Variants in AIG1 observed in about 807,000 individuals in gnomAD.
The protein encoded by AIG1 is androgen induced 1.
Under a neutral mutation model 31.4 loss-of-function variants are expected in AIG1, and 23 were observed. The observed-to-expected ratio is 0.73, with a 90% CI of 0.53 to 1.04. The LOEUF is 1.04. Among genes scored for constraint, AIG1 ranks in the 50% least tolerant of loss-of-function variants. The pLI, the probability that AIG1 is intolerant of heterozygous loss-of-function variation, is 0.00. For synonymous variants in AIG1, 100 were observed against 110.5 expected, an observed-to-expected ratio of 0.90 and a Z score of 0.60; for missense variants, 274 against 295.0, an observed-to-expected ratio of 0.93 and a Z score of 0.52.
At position 143,242,927 on chromosome 6, in the gene AIG1, C is replaced by T. The variant is rs752931577; in HGVS notation, c.400-41183C>T. Among the ~76,000 whole-genome samples the T allele has an allele frequency of 4.7e-4, 71 of 152,102 alleles. 1 individual carries two copies. Among genetic ancestry groups the T allele is most frequent in the Non-Finnish European group, 2.4e-4 (16 of 68,016 alleles). On this transcript the variant is annotated intron_variant, in intron 3 of 5. Transcript: ENST00000357847. ...TATTTGTCTCTCTTATCCCAGGTTGCGTGTGGTTGTAGAAGGTGAAGTGCT... is the reference window on the plus strand; with the variant it reads ...TATTTGTCTCTCTTATCCCAGGTTGTGTGTGGTTGTAGAAGGTGAAGTGCT...
chr6:143,209,219 C>T (rs1197145924), intron 3 of AIG1, among the ~76,000 whole-genome samples: 4 of 152,160 alleles, frequency 2.6e-5, no homozygotes, highest in Admixed American at 1.3e-4. Context: ...CTGAATTTAC[C>T]AAACATCTAT....
chr6:143,284,053 CAACT>C lies in AIG1; in HGVS notation c.400-55_400-52del. The C allele has an allele frequency of 7.4e-7, 1 of 1,347,150 alleles. No individual in the cohort carries two copies. Among genetic ancestry groups the C allele is most frequent in the East Asian group, 2.3e-5 (1 of 43,006 alleles). The allele number at this position is 1,347,150 out of a possible 1,614,324, so 83.4% of individuals were successfully genotyped here. On this transcript the variant is annotated intron_variant, in intron 3 of 5. Transcript: ENST00000357847. This position sits in a 1 kb window ranked among gnomAD's most constrained non-coding sequence, Gnocchi z 4.4. Reference sequence around the variant, plus strand: ...GTGCATTCTCCTACTGGTGAAAAAACAACTATAGAGAGACAATGATAGCAATCTG... The same window carrying C: ...GTGCATTCTCCTACTGGTGAAAAAACATAGAGAGACAATGATAGCAATCTG...
chr6:143,232,714 T>C (rs1346067758), intron 3 of AIG1, among the ~76,000 whole-genome samples: 1 of 152,210 alleles, frequency 6.6e-6, no homozygotes. Flanking sequence ...TATGGCAGAA[T>C]ACAAGCTTCC....
rs1795362089 is a variant in AIG1 at position 143,256,157 on chromosome 6, T to C, written c.400-27953T>C. 6.6e-6 allele frequency among the ~76,000 whole-genome samples: 1 copy of C among 152,122 alleles called. No individual in the cohort carries two copies. Among genetic ancestry groups the C allele is most frequent in the Admixed American group, 6.5e-5 (1 of 15,276 alleles). Reference sequence around the variant, plus strand: ...ACTGAGATAAATTTTAGGGCAAAAATAAATTAGAATAAACAGAAGTAAACT... The same window carrying C: ...ACTGAGATAAATTTTAGGGCAAAAACAAATTAGAATAAACAGAAGTAAACT... On this transcript the variant is annotated intron_variant, in intron 3 of 5. Coordinates refer to ENST00000357847, the MANE Select transcript of AIG1 (RefSeq NM_016108.4). The surrounding 1 kb of genome is among the most constrained non-coding windows in gnomAD (Gnocchi z 4.6).
At chr6:143,134,131 C>T (rs1052481120) in intron 1 of AIG1, among the ~76,000 whole-genome samples, 3 of 151,916 alleles carry the variant, frequency 2.0e-5, no homozygotes, top group African/African-American at 7.2e-5. Flanking sequence ...TATTTTACAC[C>T]AGTGAAATAT....
At chr6:143,237,061 G>A (rs1280793897) in intron 3 of AIG1, among the ~76,000 whole-genome samples, 1 of 152,122 alleles carries the variant, frequency 6.6e-6, no homozygotes, top group South Asian at 2.1e-4. Context: ...GGTAAGCAAG[G>A]CATCTAAATC....
intron 2 of AIG1, among the ~76,000 whole-genome samples, chr6:143,151,795 A>G (rs1029253427): frequency 5.3e-5 from 8 of 152,232 alleles, no homozygotes; most frequent in Admixed American, 4.6e-4. Flanking sequence ...AGAGGCAATA[A>G]CTGAAGAAGC....
chr6:143,103,767 A>G (rs1780553129), intron 1 of AIG1, among the ~76,000 whole-genome samples: 1 of 152,062 alleles, frequency 6.6e-6, no homozygotes, highest in Non-Finnish European at 1.5e-5. Context: ...TCGGCCTCCC[A>G]AAGTGCTGGG....
intron 4 of AIG1, among the ~76,000 whole-genome samples, chr6:143,286,247 G>A (rs980148184): frequency 2.0e-5 from 3 of 152,014 alleles, no homozygotes; most frequent in Non-Finnish European, 2.9e-5. Flanking sequence ...AGACACATGG[G>A]AAATACCACA....
chr6:143,202,166 A>G (rs919087468), intron 3 of AIG1, among the ~76,000 whole-genome samples: 58 of 152,200 alleles, frequency 3.8e-4, no homozygotes, highest in Non-Finnish European at 7.1e-4. Context: ...CTACTGTGCC[A>G]TTGATGTAAG....
chr6:143,126,466 G>A (rs1349865741), intron 1 of AIG1, among the ~76,000 whole-genome samples: 1 of 152,214 alleles, frequency 6.6e-6, no homozygotes, highest in Non-Finnish European at 1.5e-5. Flanking sequence ...TACCGTTGGA[G>A]TTCACTCTTG....
intron 1 of AIG1, among the ~76,000 whole-genome samples, chr6:143,122,473 A>T (rs1322540313): frequency 1.2e-4 from 18 of 152,188 alleles, no homozygotes; most frequent in Admixed American, 1.2e-3. Flanking sequence ...GCCATTGTTT[A>T]TATTTCTGTT....
chr6:143,317,158 A>G (rs528136467), intron 4 of AIG1, among the ~76,000 whole-genome samples: 17 of 152,158 alleles, frequency 1.1e-4, no homozygotes, highest in East Asian at 5.8e-4. Flanking sequence ...AAGTCATTCT[A>G]TGAAGCCAGT....
In AIG1 at chr6:143,284,061, G is replaced by T; in HGVS notation, c.400-49G>T. ...TCCTACTGGTGAAAAAACAACTATAGAGAGACAATGATAGCAATCTGTGTC... is the reference window on the plus strand; with the variant it reads ...TCCTACTGGTGAAAAAACAACTATATAGAGACAATGATAGCAATCTGTGTC... On this transcript the variant is annotated intron_variant, in intron 3 of 5. Coordinates refer to ENST00000357847, the MANE Select transcript of AIG1 (RefSeq NM_016108.4). The surrounding 1 kb of genome is among the most constrained non-coding windows in gnomAD (Gnocchi z 4.4). 1 of 1,400,076 alleles carries T rather than the reference G, an allele frequency of 7.1e-7. No individual in the cohort carries two copies. Among genetic ancestry groups the T allele is most frequent in the African/African-American group, 1.4e-5 (1 of 70,508 alleles). 86.7% of individuals were successfully genotyped at this position (1,400,076 alleles called of 1,614,324 possible).
intron 1 of AIG1, among the ~76,000 whole-genome samples, chr6:143,121,681 C>T (rs1038925171): frequency 1.3e-5 from 2 of 152,192 alleles, no homozygotes; most frequent in African/African-American, 4.8e-5. Context: ...CTTAACCATT[C>T]ATAAACCATA....
At chr6:143,101,317 G>A (rs971622975) in intron 1 of AIG1, among the ~76,000 whole-genome samples, 2 of 152,152 alleles carry the variant, frequency 1.3e-5, no homozygotes, top group Admixed American at 1.3e-4. Context: ...CTGCAAGGAT[G>A]ATCCACATCA....
chr6:143,068,312 C>T (rs1406380945), intron 1 of AIG1, among the ~76,000 whole-genome samples: 1 of 152,224 alleles, frequency 6.6e-6, no homozygotes, highest in Admixed American at 6.5e-5. Context: ...TTCATGTGAT[C>T]CAAGCGTGCT....
chr6:143,316,998 G>A lies in AIG1; in HGVS notation c.516-16284G>A, dbSNP rs1380001290. Among the ~76,000 whole-genome samples the A allele has an allele frequency of 2.6e-5, 4 of 151,672 alleles. No homozygotes were observed. In the East Asian group the frequency reaches 7.7e-4, roughly 29 times the overall value. On this transcript the variant is annotated intron_variant, in intron 4 of 5. Transcript: ENST00000357847. ...TGAACAGACCAGTAACAAGCAGTGA[G>A]ACTGAAATGGTAATTTTTAAATTGC...
intron 3 of AIG1, among the ~76,000 whole-genome samples, chr6:143,263,744 GT>G (rs1795967505): frequency 6.6e-6 from 1 of 152,122 alleles, no homozygotes; most frequent in African/African-American, 2.4e-5. Flanking sequence ...TATTTTAGAT[GT>G]TTTTAATGGT....
Sources: gnomAD v4.1 joint callset for allele counts (sites outside exome capture counted in the v4.1 genomes callset) on GRCh38, gnomAD v4.1.1 for gene constraint, Gnocchi (gnomAD v3.1) non-coding constraint, MANE v1.5 for transcripts, NCBI Gene and HGNC (gene_info 2026-07-23, HGNC 2026-07-21) for gene names.